Variants in MARCHF1 observed in about 807,000 individuals in gnomAD.
The protein encoded by MARCHF1 is membrane associated ring-CH-type finger 1, also known as E3 ubiquitin-protein ligase MARCHF1.
MARCHF1 carries 40 observed loss-of-function variants against 54.2 expected under a neutral mutation model. The observed-to-expected ratio is 0.74, with a 90% CI of 0.57 to 0.96. The LOEUF (loss-of-function observed/expected upper bound fraction) is 0.96, where lower values mean the gene tolerates loss of function less well. Among genes scored for constraint, MARCHF1 ranks in the 40% least tolerant of loss-of-function variants. MARCHF1 has a pLI of 0.00. For synonymous variants in MARCHF1, 236 were observed against 236.3 expected (o/e 1.00, Z 0.01); for missense variants, 586 against 656.5 (o/e 0.89, Z 1.17).
intron 1 of MARCHF1, among the ~76,000 whole-genome samples, chr4:164,123,571 C>A (rs572162506): frequency 6.6e-6 from 1 of 152,216 alleles, no homozygotes; most frequent in African/African-American, 2.4e-5. Flanking sequence ...CTATAGTAAC[C>A]AAGCAGCATG....
intron 1 of MARCHF1, among the ~76,000 whole-genome samples, chr4:164,190,816 A>G (rs552388939): frequency 2.6e-5 from 4 of 152,232 alleles, no homozygotes; most frequent in Non-Finnish European, 5.9e-5. Flanking sequence ...TTTCTCCTTC[A>G]GTCTTGAAGC....
At chr4:163,930,217 C>T (rs1034486595) in intron 3 of MARCHF1, among the ~76,000 whole-genome samples, 13 of 150,836 alleles carry the variant, frequency 8.6e-5, no homozygotes, top group African/African-American at 3.2e-4. Flanking sequence ...AGAATCAACC[C>T]TCATTTCTTG....
chr4:163,572,970 G>A (rs1739890864), intron 8 of MARCHF1, among the ~76,000 whole-genome samples: 1 of 152,082 alleles, frequency 6.6e-6, no homozygotes, highest in African/African-American at 2.4e-5. Flanking sequence ...TAGGCTATGA[G>A]TGGTGTGTTC....
intron 4 of MARCHF1, among the ~76,000 whole-genome samples, chr4:163,809,781 A>G (rs995975923): frequency 1.3e-5 from 2 of 152,214 alleles, no homozygotes; most frequent in African/African-American, 4.8e-5. Context: ...TTTTAGTCAC[A>G]CTAAAGATAT....
chr4:164,251,577 G>A (rs894512620), intron 1 of MARCHF1, among the ~76,000 whole-genome samples: 1 of 152,064 alleles, frequency 6.6e-6, no homozygotes, highest in African/African-American at 2.4e-5. Context: ...AAACGAATGC[G>A]GTTTTGCACT....
chr4:164,165,812 G>T (rs993709402), intron 1 of MARCHF1, among the ~76,000 whole-genome samples: 1 of 151,936 alleles, frequency 6.6e-6, no homozygotes, highest in African/African-American at 2.4e-5. Context: ...TTAAGCTGCT[G>T]TGTTTCTCCC....
At chr4:164,006,860 T>G (rs946340016) in intron 2 of MARCHF1, among the ~76,000 whole-genome samples, 1 of 151,808 alleles carries the variant, frequency 6.6e-6, no homozygotes, top group Non-Finnish European at 1.5e-5. Context: ...CCAAGAATAC[T>G]ATGTATCCAG....
rs144248658 is a variant in MARCHF1 at position 164,188,946 on chromosome 4, T to C, written c.-322-77284A>G. 2.4e-4 allele frequency: 180 copies of C among 751,686 alleles called. No homozygotes were observed. The African/African-American group carries it at 2.4e-3, about 10-fold the overall frequency. 46.6% of individuals were successfully genotyped at this position (751,686 alleles called of 1,614,324 possible). ...GAAGCAACCAAAGATATTGGAACTA[T>C]TGCTGAGCTAAATGTTATGAGGATC... On this transcript the variant is annotated intron_variant, in intron 1 of 9. Coordinates refer to ENST00000514618, the MANE Select transcript of MARCHF1 (RefSeq NM_001394959.1).
At chr4:164,193,209 C>T (rs181648329) in intron 1 of MARCHF1, among the ~76,000 whole-genome samples, 3 of 152,158 alleles carry the variant, frequency 2.0e-5, no homozygotes, top group Admixed American at 2.0e-4. Flanking sequence ...CCGTGAATCA[C>T]CTTTTTCGGA....
At chr4:164,182,243 CAGTGAATA>C (rs1212693511) in intron 1 of MARCHF1, among the ~76,000 whole-genome samples, 4 of 151,934 alleles carry the variant, frequency 2.6e-5, no homozygotes, top group Admixed American at 2.0e-4. Flanking sequence ...TAGGTCAATA[CAGTGAATA>C]AAGATAGAAT....
chr4:164,256,586 G>C (rs1309202811), intron 1 of MARCHF1, among the ~76,000 whole-genome samples: 1 of 152,114 alleles, frequency 6.6e-6, no homozygotes, highest in East Asian at 1.9e-4. Flanking sequence ...AATAAGCAAA[G>C]TATTATCAGT....
At chr4:163,791,681 C>T (rs916799882) in intron 4 of MARCHF1, among the ~76,000 whole-genome samples, 2 of 152,118 alleles carry the variant, frequency 1.3e-5, no homozygotes, top group South Asian at 4.2e-4. Context: ...CTTGAGCTTA[C>T]ATAACTTTTC....
At chr4:163,976,805 C>T (rs900618319) in intron 3 of MARCHF1, among the ~76,000 whole-genome samples, 2 of 152,130 alleles carry the variant, frequency 1.3e-5, no homozygotes, top group Non-Finnish European at 2.9e-5. Flanking sequence ...TCTCAAATCA[C>T]GTGTCTGACA....
At chr4:164,348,142 C>G (rs1218962843) in intron 1 of MARCHF1, among the ~76,000 whole-genome samples, 1 of 151,976 alleles carries the variant, frequency 6.6e-6, no homozygotes, top group African/African-American at 2.4e-5. Flanking sequence ...GAGATAAAAT[C>G]CAGACATGTT....
At chr4:164,223,005 G>T (rs1381630586) in intron 1 of MARCHF1, among the ~76,000 whole-genome samples, 1 of 151,960 alleles carries the variant, frequency 6.6e-6, no homozygotes, top group Non-Finnish European at 1.5e-5. Context: ...CGGCAGCAGG[G>T]AAGGGAGCTT....
At chr4:164,268,259 T>C (rs1253454526) in intron 1 of MARCHF1, among the ~76,000 whole-genome samples, 1 of 152,192 alleles carries the variant, frequency 6.6e-6, no homozygotes, top group Non-Finnish European at 1.5e-5. Flanking sequence ...GGATGGCCAC[T>C]TCCACCATGG....
chr4:164,247,917 G>T (rs1271699937), intron 1 of MARCHF1, among the ~76,000 whole-genome samples: 1 of 150,986 alleles, frequency 6.6e-6, no homozygotes, highest in Non-Finnish European at 1.5e-5. Flanking sequence ...TGGTCAAGTT[G>T]CATTGCTTAA....
At chr4:163,951,930 A>T (rs972697782) in intron 3 of MARCHF1, among the ~76,000 whole-genome samples, 4 of 152,232 alleles carry the variant, frequency 2.6e-5, no homozygotes, top group Non-Finnish European at 5.9e-5. Flanking sequence ...AGAGGTCAAC[A>T]TTTTTATAAA....
intron 1 of MARCHF1, among the ~76,000 whole-genome samples, chr4:164,374,241 C>T (rs934925303): frequency 2.7e-5 from 4 of 149,428 alleles, no homozygotes; most frequent in East Asian, 2.1e-4. Flanking sequence ...ATTTAACAGA[C>T]GTCAACATTT....
Sources: allele counts gnomAD v4.1 joint callset (sites outside exome capture counted in the v4.1 genomes callset), GRCh38; gene constraint gnomAD v4.1.1; transcripts MANE v1.5; gene names NCBI Gene and HGNC (gene_info 2026-07-23, HGNC 2026-07-21).